The following TAF6 variants were observed in gnomAD, a reference collection of about 807,000 sequenced individuals.
The protein encoded by TAF6 is transcription initiation factor TFIID subunit 6.
A neutral mutation model predicts 73.5 loss-of-function variants in TAF6; 50 were observed. That is an observed-to-expected ratio of 0.68 (90% CI 0.54 to 0.86). The LOEUF is 0.86. TAF6 is among the 40% of genes least tolerant of loss of function. The pLI, the probability that TAF6 is intolerant of heterozygous loss-of-function variation, is 0.00. For missense variants in TAF6, 768 were observed against 899.5 expected, an observed-to-expected ratio of 0.85 and a Z score of 1.87; for synonymous variants, 424 against 376.7, an observed-to-expected ratio of 1.13 and a Z score of -1.45.
chr7:100,119,445 GA>G, upstream of TAF6: 1 of 1,287,336 alleles, frequency 7.8e-7, no homozygotes. Flanking sequence ...CTCGCAGAAT[GA>G]AATTATATTT....
At chr7:100,111,354 GT>G (rs1274493726) in intron 9 of TAF6, 33 bp from the exon 10 acceptor site, 2 of 1,597,418 alleles carry the variant, frequency 1.3e-6, no homozygotes, top group African/African-American at 2.7e-5. Context: ...GCTGATTCTG[GT>G]TTTGTTTGTC....
chr7:100,112,980 G>A lies in TAF6; in HGVS notation c.455-63C>T, dbSNP rs1233272917. 5.7e-6 allele frequency: 9 copies of A among 1,566,828 alleles called. No homozygotes were observed. In the Admixed American group the frequency reaches 8.9e-5, roughly 15 times the overall value. ...CATAGTAGAAAAGTAAAAGGTGGGA[G>A]GAGGCCGGATGCGGTGGCTCATGCC... On this transcript the variant is annotated intron_variant, in intron 5 of 14. Transcript: ENST00000453269.
chr7:100,119,652 A>G (rs1328346833), upstream of TAF6: 4 of 1,609,950 alleles, frequency 2.5e-6, no homozygotes, highest in Non-Finnish European at 2.5e-6. Flanking sequence ...GCTGGATTTA[A>G]GGTTGCCGCT....
upstream of TAF6, chr7:100,122,188 G>A (rs1798091975): frequency 6.3e-7 from 1 of 1,590,046 alleles, no homozygotes; most frequent in Admixed American, 1.7e-5. Context: ...TGCTGCCTCA[G>A]GTCATCTGCA....
chr7:100,114,047 G>A lies in TAF6; in HGVS notation c.156+7C>T, dbSNP rs762534143. 3.1e-5 allele frequency: 50 copies of A among 1,613,868 alleles called. No individual in the cohort carries two copies. In the Admixed American group the frequency reaches 5.8e-4, roughly 19 times the overall value. On this transcript the variant is annotated splice_region_variant and intron_variant, in intron 2 of 14. Coordinates refer to ENST00000453269, the MANE Select transcript of TAF6 (RefSeq NM_139315.3). ...CAATGTAGAGCTGGACAGAAGGGCC[G>A]GGTCACCTGTGCGATCTCTTTGATG...
Position 100,110,375 on chromosome 7 carries a change from A to G in TAF6, c.1084-101T>C. 8.1e-6 allele frequency: 11 copies of G among 1,364,558 alleles called. No individual in the cohort carries two copies. In the South Asian group the frequency reaches 8.2e-5, roughly 10 times the overall value. The allele number at this position is 1,364,558 out of a possible 1,614,324, so 84.5% of individuals were successfully genotyped here. ...CACTTTCCTTGTAAATCATTAAGAC[A>G]TTACAATGAGGCCAGACGTGGTGGC... On this transcript the variant is annotated intron_variant, in intron 10 of 14. Coordinates refer to ENST00000453269, the MANE Select transcript of TAF6 (RefSeq NM_139315.3).
chr7:100,127,089 G>C, the TAF6 span: 1 of 393,590 alleles, frequency 2.5e-6, no homozygotes, highest in Admixed American at 4.4e-5. This position sits in a 1 kb window ranked among gnomAD's most constrained non-coding sequence, Gnocchi z 4.6. Flanking sequence ...GGATTCGATG[G>C]AGGGAAACAT....
At position 100,113,646 on chromosome 7, in the gene TAF6, G is replaced by A; in HGVS notation, c.367C>T (p.Pro123Ser). 1 of 1,614,128 alleles carries A rather than the reference G, an allele frequency of 6.2e-7. No homozygotes were observed. Residue 123 changes from proline to serine, a missense_variant, in exon 4 of 15, where the codon CCC (proline) becomes TCC (serine). Physicochemically the swap from Pro to Ser is moderately conservative, Grantham distance 74 (BLOSUM62 -1). Transcript: ENST00000453269. ...DLSDIINTPL[P>S]RVPLDVCLKA... ...AGGCAGACGTCCAGGGGCACCCGGG[G>A]CAGAGGGGTATTGATGATGTCGCTC... is the stretch of plus-strand genomic sequence containing the variant.
the TAF6 span, among the ~76,000 whole-genome samples, chr7:100,125,747 C>A: frequency 6.6e-6 from 1 of 152,132 alleles, no homozygotes; most frequent in Non-Finnish European, 1.5e-5. Context: ...TCCAAAAGGT[C>A]AAGACCAGCC....
chr7:100,117,261 A>G (rs1284696010), intron 1 of TAF6, among the ~76,000 whole-genome samples: 1 of 136,554 alleles, frequency 7.3e-6, no homozygotes, highest in Non-Finnish European at 1.6e-5. Flanking sequence ...CCATCTAGAC[A>G]GGGCTCTTTT....
Position 100,113,344 on chromosome 7 carries a change from G to A in TAF6, c.454+5C>T, listed in dbSNP as rs1225961497. 3 of 1,589,016 alleles carry A rather than the reference G, an allele frequency of 1.9e-6. No homozygotes were observed. The highest frequency in any genetic ancestry group is 2.6e-6 in the Non-Finnish European group (3 of 1,168,018). On this transcript the variant is annotated splice_donor_5th_base_variant and intron_variant, in intron 5 of 14. Transcript: ENST00000453269. ...GAGACCCAGAGGGTGGGGCATGGAG[G>A]TTACCTGGGGGCGGGTTCTCGGGGA...
intron 9 of TAF6, 127 bp from the exon 10 acceptor site, chr7:100,111,448 G>C: frequency 1.7e-6 from 2 of 1,204,798 alleles, no homozygotes; most frequent in East Asian, 2.6e-5. Context: ...AATCTCCCGG[G>C]CTCAAGCAAT....
intron 1 of TAF6, chr7:100,119,000 G>A (rs1797915973): frequency 1.0e-6 from 1 of 985,366 alleles, no homozygotes; most frequent in South Asian, 4.7e-5. Context: ...ACACGCTACA[G>A]TCACAGGATC....
upstream of TAF6, chr7:100,124,310 A>C: frequency 1.8e-6 from 1 of 541,338 alleles, no homozygotes; most frequent in South Asian, 2.4e-5. Flanking sequence ...AGGAGCTGAG[A>C]CTCAAGAGTT....
rs775812170 is a variant in TAF6 at position 100,113,901 on chromosome 7, G to A, written c.210C>T (p.Asp70=). Residue 70 remains aspartate, a synonymous_variant, in exon 3 of 15, where the codon GAC becomes GAT. Coordinates refer to ENST00000453269, the MANE Select transcript of TAF6 (RefSeq NM_139315.3). ...MGKRQKLTTS[D]IDYALKLKNV... Reference sequence around the variant, plus strand: ...TCTTTAGCTTCAAGGCGTAGTCAATGTCACTGGTGGTGAGCTTCTGCCGCT... The same window carrying A: ...TCTTTAGCTTCAAGGCGTAGTCAATATCACTGGTGGTGAGCTTCTGCCGCT... The A allele has an allele frequency of 6.2e-7, 1 of 1,613,644 alleles. No homozygotes were observed. Among genetic ancestry groups the A allele is most frequent in the South Asian group, 1.1e-5 (1 of 91,062 alleles).
chr7:100,113,893 T>C lies in TAF6; in HGVS notation c.218A>G (p.Tyr73Cys). 1 of 1,612,960 alleles carries C rather than the reference T, an allele frequency of 6.2e-7. No individual in the cohort carries two copies. Among genetic ancestry groups the C allele is most frequent in the Non-Finnish European group, 8.5e-7 (1 of 1,179,724 alleles). ...CTCGACATTCTTTAGCTTCAAGGCG[T>C]AGTCAATGTCACTGGTGGTGAGCTT... is the stretch of plus-strand genomic sequence containing the variant. The part of the protein sequence containing the change: ...RQKLTTSDID[Y>C]ALKLKNVEPL... Residue 73 changes from tyrosine (Y) to cysteine (C), a missense_variant, in exon 3 of 15, where the codon TAC (tyrosine) becomes TGC (cysteine). Around this residue, in one of 5 missense-constraint regions of TAF6, gnomAD observed 269 missense variants for 268.0 expected, o/e 1.00. Coordinates refer to ENST00000453269, the MANE Select transcript of TAF6 (RefSeq NM_139315.3).
At position 100,107,914 on chromosome 7, in the gene TAF6, A is replaced by G. The variant is rs771035988; in HGVS notation, c.1656+12T>C. 1 of 1,594,860 alleles carries G rather than the reference A, an allele frequency of 6.3e-7. No homozygotes were observed. ...GCCCTCCAGATGCTCCCTGTCCCACAGCTCTGCATACCTGCTGGGTGGATG... is the reference window on the plus strand; with the variant it reads ...GCCCTCCAGATGCTCCCTGTCCCACGGCTCTGCATACCTGCTGGGTGGATG... On this transcript the variant is annotated intron_variant, in intron 14 of 14. Coordinates refer to ENST00000453269, the MANE Select transcript of TAF6 (RefSeq NM_139315.3).
chr7:100,109,821 T>A (rs1285418562), intron 12 of TAF6, 127 bp downstream of exon 12: 2 of 1,414,382 alleles, frequency 1.4e-6, no homozygotes, highest in Non-Finnish European at 1.9e-6. Flanking sequence ...TAAAATAGTA[T>A]CAGACTCTGC....
chr7:100,122,666 C>G, upstream of TAF6: 1 of 1,508,432 alleles, frequency 6.6e-7, no homozygotes, highest in South Asian at 1.3e-5. Context: ...TGCCCATCAT[C>G]TCACCATCAT....
Sources: gnomAD v4.1 joint callset for allele counts (sites outside exome capture counted in the v4.1 genomes callset) on GRCh38, gnomAD v4.1.1 for gene constraint, gnomAD v4.1.1 regional missense constraint, Gnocchi (gnomAD v3.1) non-coding constraint, MANE v1.5 for transcripts, NCBI Gene and HGNC (gene_info 2026-07-23, HGNC 2026-07-21) for gene names.